FRMD6: variants seen among roughly 807,000 people sequenced by gnomAD.
FRMD6 encodes the protein FERM domain containing 6, also known as FERM domain-containing protein 6.
A neutral mutation model predicts 73.2 loss-of-function variants in FRMD6; 37 were observed. The observed-to-expected ratio is 0.51, with a 90% CI of 0.39 to 0.66. FRMD6 has a LOEUF of 0.66. Ranked by LOEUF, FRMD6 falls within the 30% of genes least tolerant of loss-of-function variation. The pLI is 0.00. For synonymous variants in FRMD6, 273 were observed against 282.2 expected (o/e 0.97, Z 0.33); for missense variants, 714 against 780.5 (o/e 0.91, Z 1.02).
Position 51,651,983 on chromosome 14 carries a change from A to G in FRMD6, c.-160A>G, listed in dbSNP as rs1300370127. On this transcript the variant is annotated 5_prime_UTR_variant, in exon 1 of 14. Coordinates refer to ENST00000344768, the MANE Select transcript of FRMD6 (RefSeq NM_001267046.2). ...CAGAGAGCCCAACGCCTGGTGCTCAAGACTTTCTCCGAGGTATGAACAAGA... is the reference window on the plus strand; with the variant it reads ...CAGAGAGCCCAACGCCTGGTGCTCAGGACTTTCTCCGAGGTATGAACAAGA... 6.6e-6 allele frequency: 1 copy of G among 152,094 alleles called. No homozygotes were observed. The highest frequency in any genetic ancestry group is 2.4e-5 in the African/African-American group (1 of 41,408). The allele number at this position is 152,094 out of a possible 1,614,324, so 9.4% of individuals were successfully genotyped here. A position where few individuals can be genotyped will look rare whatever the true frequency, so the allele number is the denominator to read the frequency against.
chr14:51,419,713 G>C, the FRMD6 span, among the ~76,000 whole-genome samples: 5 of 152,168 alleles, frequency 3.3e-5, no homozygotes, highest in Admixed American at 3.3e-4. Flanking sequence ...TTCAGACACT[G>C]TCTAGCCATC....
At chr14:51,564,974 G>C (rs145364712) in intron 1 of FRMD6, among the ~76,000 whole-genome samples, 1 of 152,126 alleles carries the variant, frequency 6.6e-6, no homozygotes, top group African/African-American at 2.4e-5. Context: ...AACTTGCCAC[G>C]GTCTGTTGTC....
At chr14:51,474,294 C>CT in the FRMD6 span, among the ~76,000 whole-genome samples, 1 of 152,160 alleles carries the variant, frequency 6.6e-6, no homozygotes, top group Non-Finnish European at 1.5e-5. Flanking sequence ...TTTCCCTGCC[C>CT]TTAGAACTCT....
intron 1 of FRMD6, among the ~76,000 whole-genome samples, chr14:51,655,066 T>C (rs1348135648): frequency 6.6e-6 from 1 of 151,962 alleles, no homozygotes; most frequent in African/African-American, 2.4e-5. Flanking sequence ...AAAAAAAGTT[T>C]TAAGTGTGTT....
chr14:51,550,107 C>T (rs1050243462), intron 1 of FRMD6, among the ~76,000 whole-genome samples: 3 of 152,244 alleles, frequency 2.0e-5, no homozygotes, highest in African/African-American at 7.2e-5. Context: ...TAATGCTGCT[C>T]ATGCCACATT....
intron 4 of FRMD6, among the ~76,000 whole-genome samples, chr14:51,701,472 G>A (rs1566578010): frequency 7.1e-6 from 1 of 141,180 alleles, no homozygotes; most frequent in East Asian, 2.1e-4. Flanking sequence ...GTTCTAAAAT[G>A]TATATATATA....
intron 1 of FRMD6, among the ~76,000 whole-genome samples, chr14:51,533,686 A>G (rs181046796): frequency 2.0e-5 from 3 of 152,314 alleles, no homozygotes; most frequent in Admixed American, 1.3e-4. Context: ...ATAAATGTAA[A>G]AAAGAAATAC....
the FRMD6 span, among the ~76,000 whole-genome samples, chr14:51,446,260 G>A: frequency 1.3e-5 from 2 of 152,150 alleles, no homozygotes; most frequent in South Asian, 4.2e-4. Context: ...AGGAGTGACC[G>A]CGATGGTTTT....
rs755281971 is a variant in FRMD6 at position 51,715,439 on chromosome 14, C to T, written c.964C>T (p.Arg322Cys). The change falls in exon 10 of 14, where the codon CGC becomes TGC. Residue 322 changes from arginine (R) to cysteine (C), a missense_variant. Arg to Cys is a radical substitution (Grantham distance 180). Transcript: ENST00000344768. ...CCTGCAACTTCTGAGCAACAGCCAC[C>T]GCCTCTATATGAATCTGCAGCCTGT... ...HLLQLLSNSH[R>C]LYMNLQPVLR... The T allele has an allele frequency of 5.0e-6, 8 of 1,613,894 alleles. No individual in the cohort carries two copies. The highest frequency in any genetic ancestry group is 3.3e-5 in the Admixed American group (2 of 59,984).
chr14:51,526,216 G>T (rs1885248773), intron 1 of FRMD6, among the ~76,000 whole-genome samples: 1 of 152,144 alleles, frequency 6.6e-6, no homozygotes, highest in Non-Finnish European at 1.5e-5. Flanking sequence ...CAAAGTACTT[G>T]GCATTCACTC....
intron 1 of FRMD6, among the ~76,000 whole-genome samples, chr14:51,670,109 C>A (rs973837766): frequency 1.4e-4 from 22 of 152,152 alleles, no homozygotes. Flanking sequence ...ACAAGTCTCA[C>A]TCTGTTGCCA....
At chr14:51,519,699 T>C (rs1376581651) in intron 1 of FRMD6, among the ~76,000 whole-genome samples, 2 of 152,180 alleles carry the variant, frequency 1.3e-5, no homozygotes, top group African/African-American at 4.8e-5. Context: ...AAATAGTGTC[T>C]GTACTCATTG....
At chr14:51,492,770 A>G (rs1883091164) in intron 1 of FRMD6, among the ~76,000 whole-genome samples, 2 of 152,248 alleles carry the variant, frequency 1.3e-5, no homozygotes, top group Admixed American at 1.3e-4. Context: ...CCATTTAATC[A>G]TGACAGAACC....
At chr14:51,411,140 C>T in the FRMD6 span, among the ~76,000 whole-genome samples, 1 of 152,084 alleles carries the variant, frequency 6.6e-6, no homozygotes, top group African/African-American at 2.4e-5. Flanking sequence ...GAAGAGGCCC[C>T]AAAGCAGCCA....
At chr14:51,512,663 C>T (rs1884382969) in intron 1 of FRMD6, among the ~76,000 whole-genome samples, 1 of 151,632 alleles carries the variant, frequency 6.6e-6, no homozygotes, top group African/African-American at 2.4e-5. Context: ...AAGTCTGGGA[C>T]ACAGCACAAA....
At chr14:51,470,536 T>G in the FRMD6 span, among the ~76,000 whole-genome samples, 1 of 152,232 alleles carries the variant, frequency 6.6e-6, no homozygotes, top group African/African-American at 2.4e-5. Flanking sequence ...TTGGTTTTGG[T>G]AATTTTCTCT....
intron 2 of FRMD6, among the ~76,000 whole-genome samples, chr14:51,585,560 A>G (rs1315969880): frequency 6.6e-6 from 1 of 152,148 alleles, no homozygotes; most frequent in Non-Finnish European, 1.5e-5. Flanking sequence ...TCCAGGTTTC[A>G]CATTTATGAG....
At chr14:51,435,417 T>G in the FRMD6 span, among the ~76,000 whole-genome samples, 36 of 74,662 alleles carry the variant, frequency 4.8e-4, no homozygotes, top group African/African-American at 1.5e-3. Context: ...CCCATCTCTA[T>G]TTAAAAAAAA....
chr14:51,553,267 A>T (rs539212420), intron 1 of FRMD6, among the ~76,000 whole-genome samples: 1 of 152,234 alleles, frequency 6.6e-6, no homozygotes, highest in Non-Finnish European at 1.5e-5. Context: ...GCATCTGCTC[A>T]TTGGTCATTA....
Sources: gnomAD v4.1 joint callset for allele counts (sites outside exome capture counted in the v4.1 genomes callset) on GRCh38, gnomAD v4.1.1 for gene constraint, MANE v1.5 for transcripts, NCBI Gene and HGNC (gene_info 2026-07-23, HGNC 2026-07-21) for gene names.